NKAIN2: variants seen among roughly 807,000 people sequenced by gnomAD.
The protein encoded by NKAIN2 is sodium/potassium-transporting ATPase subunit beta-1-interacting protein 2.
NKAIN2 carries 14 observed loss-of-function variants against 32.6 expected under a neutral mutation model. The observed-to-expected ratio is 0.43, with a 90% confidence interval of 0.28 to 0.67. The LOEUF (loss-of-function observed/expected upper bound fraction) is 0.67, where lower values mean the gene tolerates loss of function less well. Among genes scored for constraint, NKAIN2 ranks in the 30% least tolerant of loss-of-function variants. NKAIN2 has a pLI of 0.17. For synonymous variants in NKAIN2, 80 were observed against 87.2 expected, an observed-to-expected ratio of 0.92 and a Z score of 0.46; for missense variants, 198 against 258.3, an observed-to-expected ratio of 0.77 and a Z score of 1.60.
intron 3 of NKAIN2, among the ~76,000 whole-genome samples, chr6:124,378,369 C>T (rs905900270): frequency 6.6e-6 from 1 of 152,148 alleles, no homozygotes; most frequent in Non-Finnish European, 1.5e-5. Flanking sequence ...ACTTTCACCA[C>T]AACTGAGGCA....
intron 1 of NKAIN2, among the ~76,000 whole-genome samples, chr6:123,852,341 T>C (rs532746992): frequency 6.6e-6 from 1 of 152,278 alleles, no homozygotes; most frequent in South Asian, 2.1e-4. Flanking sequence ...AAGTACACAG[T>C]ATATTGCTAT....
At chr6:124,642,242 T>G (rs1400696661) in intron 3 of NKAIN2, among the ~76,000 whole-genome samples, 1 of 152,198 alleles carries the variant, frequency 6.6e-6, no homozygotes, top group Non-Finnish European at 1.5e-5. Flanking sequence ...ATTTGTAATT[T>G]TGGTTATCTT....
At chr6:124,480,205 G>C (rs931995396) in intron 3 of NKAIN2, among the ~76,000 whole-genome samples, 3 of 151,472 alleles carry the variant, frequency 2.0e-5, no homozygotes, top group African/African-American at 7.3e-5. Context: ...TTTATTTTTT[G>C]GAATGTCTGT....
At chr6:124,644,846 T>G (rs1784112831) in intron 3 of NKAIN2, among the ~76,000 whole-genome samples, 1 of 152,248 alleles carries the variant, frequency 6.6e-6, no homozygotes, top group Non-Finnish European at 1.5e-5. Flanking sequence ...ACTGAGGAAT[T>G]CCTGTTATAT....
At chr6:124,346,313 G>C (rs962602362) in intron 2 of NKAIN2, among the ~76,000 whole-genome samples, 5 of 152,134 alleles carry the variant, frequency 3.3e-5, no homozygotes, top group African/African-American at 1.2e-4. Context: ...ATATTCTGTT[G>C]ATTTAGGGTG....
chr6:123,950,606 C>CT (rs34603580), intron 1 of NKAIN2, among the ~76,000 whole-genome samples: 106,224 of 151,656 alleles, frequency 0.7, 38,004 homozygotes, highest in East Asian at 0.91. Flanking sequence ...ATAATAGTCT[C>CT]GATGATCTTT....
chr6:124,729,487 A>T (rs1185436777), intron 4 of NKAIN2, among the ~76,000 whole-genome samples: 5 of 151,112 alleles, frequency 3.3e-5, no homozygotes, highest in Non-Finnish European at 7.4e-5. Flanking sequence ...ATGCAGAAAA[A>T]GCCTTTGACA....
rs1775254512 is a variant in NKAIN2 at position 123,912,302 on chromosome 6, TAATA to T, written c.54+108054_54+108057del. ...CTAATATGATAATTTATGTATTTTA[TAATA>T]AATAATGTATATATTTACATATTTT... On this transcript the variant is annotated intron_variant, in intron 1 of 6. Transcript: ENST00000368417. 3.3e-5 allele frequency among the ~76,000 whole-genome samples: 5 copies of T among 152,098 alleles called. No individual in the cohort carries two copies. In the East Asian group the frequency reaches 5.8e-4, roughly 18 times the overall value.
intron 4 of NKAIN2, among the ~76,000 whole-genome samples, chr6:124,676,194 G>A (rs545211232): frequency 1.3e-5 from 2 of 152,130 alleles, no homozygotes; most frequent in South Asian, 2.1e-4. Context: ...AATATTTTTG[G>A]TATGATTTCA....
chr6:124,793,570 A>G (rs1779840664), intron 5 of NKAIN2, among the ~76,000 whole-genome samples: 1 of 151,890 alleles, frequency 6.6e-6, no homozygotes, highest in Non-Finnish European at 1.5e-5. Flanking sequence ...TTATCTTCAG[A>G]CAATACTTAC....
chr6:124,343,400 C>G (rs868809985), intron 2 of NKAIN2, among the ~76,000 whole-genome samples: 57 of 150,458 alleles, frequency 3.8e-4, no homozygotes, highest in African/African-American at 1.0e-3. Flanking sequence ...CCAGAGGAAT[C>G]GCCACACTGA....
chr6:124,302,205 C>T (rs993777854), intron 2 of NKAIN2, among the ~76,000 whole-genome samples: 1 of 152,204 alleles, frequency 6.6e-6, no homozygotes, highest in Non-Finnish European at 1.5e-5. Flanking sequence ...TTTGCTCCTC[C>T]TTCACCTTCT....
chr6:124,159,207 C>A (rs1788145087), intron 1 of NKAIN2, among the ~76,000 whole-genome samples: 1 of 152,134 alleles, frequency 6.6e-6, no homozygotes. Context: ...GTTCAGTGTT[C>A]CAGAGGTCTT....
chr6:124,074,073 A>G (rs547167024), intron 1 of NKAIN2, among the ~76,000 whole-genome samples: 2 of 152,186 alleles, frequency 1.3e-5, no homozygotes, highest in Non-Finnish European at 1.5e-5. Flanking sequence ...TAAAAGGTTC[A>G]TGGGGCAAAG....
chr6:124,670,241 C>T (rs1773032002), intron 4 of NKAIN2, among the ~76,000 whole-genome samples: 1 of 152,046 alleles, frequency 6.6e-6, no homozygotes, highest in African/African-American at 2.4e-5. Flanking sequence ...AACCTATTCT[C>T]CAGAATCTTG....
chr6:124,132,246 T>C (rs1324760661), intron 1 of NKAIN2, among the ~76,000 whole-genome samples: 1 of 152,164 alleles, frequency 6.6e-6, no homozygotes. Flanking sequence ...TCCCCCACAG[T>C]GGCTACAACA....
intron 1 of NKAIN2, among the ~76,000 whole-genome samples, chr6:123,959,925 ATGTGTGTGTGTGTGTGTGTGTG>A (rs6149793): frequency 1.4e-5 from 2 of 141,270 alleles, no homozygotes; most frequent in African/African-American, 2.6e-5. Context: ...TCTTCCATAT[ATGTGTGTGTGTGTGTGTGTGTG>A]TGTGTGTGTG....
At chr6:124,458,734 C>T (rs531211741) in intron 3 of NKAIN2, among the ~76,000 whole-genome samples, 1 of 151,912 alleles carries the variant, frequency 6.6e-6, no homozygotes, top group African/African-American at 2.4e-5. Flanking sequence ...ACTGCAATAT[C>T]TCCTGCAAAA....
At chr6:124,715,414 C>A (rs1775703799) in intron 4 of NKAIN2, among the ~76,000 whole-genome samples, 1 of 152,186 alleles carries the variant, frequency 6.6e-6, no homozygotes, top group Non-Finnish European at 1.5e-5. Context: ...CTTCTCCTCT[C>A]CCCTCCCTGT....
Sources: allele counts gnomAD v4.1 joint callset (sites outside exome capture counted in the v4.1 genomes callset), GRCh38; gene constraint gnomAD v4.1.1; transcripts MANE v1.5; gene names NCBI Gene and HGNC (gene_info 2026-07-23, HGNC 2026-07-21).